Variants in GTPBP1 observed in about 807,000 individuals in gnomAD.
GTPBP1 encodes GTP binding protein 1, also known as GTP-binding protein 1.
GTPBP1 carries 23 observed loss-of-function variants against 62.0 expected under a neutral mutation model. The ratio of observed to expected loss-of-function variants is 0.37; its 90% confidence interval spans 0.27 to 0.53. The LOEUF (loss-of-function observed/expected upper bound fraction) is 0.53. GTPBP1 is among the 20% of genes least tolerant of loss of function. The pLI is 0.89. For missense variants in GTPBP1, 640 were observed against 917.3 expected (o/e 0.70, Z 3.90); for synonymous variants, 344 against 364.4 (o/e 0.94, Z 0.64).
downstream of GTPBP1, chr22:38,735,206 C>A (rs1295488555): frequency 8.8e-6 from 4 of 455,144 alleles, no homozygotes; most frequent in Non-Finnish European, 4.4e-6. Context: ...CCCCAGCCCC[C>A]ACCAACTGCC....
chr22:38,718,480 A>G (rs1229655068), intron 4 of GTPBP1, among the ~76,000 whole-genome samples: 1 of 152,232 alleles, frequency 6.6e-6, no homozygotes, highest in African/African-American at 2.4e-5. Context: ...TTTAAAATAT[A>G]TAGAAAACAG....
chr22:38,736,235 A>G, downstream of GTPBP1: 1 of 1,596,760 alleles, frequency 6.3e-7, no homozygotes, highest in Non-Finnish European at 8.6e-7. Flanking sequence ...ACCCACTCCC[A>G]GATGGCTGGC....
chr22:38,741,920 C>T (rs1236813808), downstream of GTPBP1, among the ~76,000 whole-genome samples: 2 of 151,854 alleles, frequency 1.3e-5, no homozygotes, highest in African/African-American at 4.8e-5. Context: ...GCAGGCAGAT[C>T]ACTAGAGGTC....
At position 38,721,789 on chromosome 22, in the gene GTPBP1, C is replaced by G. The variant is rs759637741; in HGVS notation, c.882C>G (p.Gly294=). 4 of 1,612,862 alleles carry G rather than the reference C, an allele frequency of 2.5e-6. No homozygotes were observed. In the African/African-American group the frequency reaches 4.0e-5, roughly 16 times the overall value. ...TGGGGATGACCAAAGAACACCTGGG[C>G]TTGGCACTGGCACTCAATGTACCTG... ...GIVGMTKEHL[G]LALALNVPVF... Residue 294 remains glycine, a synonymous_variant, in exon 5 of 12, where the codon GGC becomes GGG. Transcript: ENST00000216044.
chr22:38,742,709 C>CA, downstream of GTPBP1: 1 of 979,114 alleles, frequency 1.0e-6, no homozygotes. Context: ...AGCTCGTGGG[C>CA]AGGGGCTGCC....
intron 1 of GTPBP1, 68 bp downstream of exon 1, chr22:38,706,215 C>G: frequency 9.5e-7 from 1 of 1,047,300 alleles, no homozygotes; most frequent in Non-Finnish European, 1.2e-6. Flanking sequence ...TCCCGGGCGA[C>G]GGCGGGGCCA....
chr22:38,713,260 AAGTG>A (rs1470500525), intron 2 of GTPBP1, among the ~76,000 whole-genome samples: 1 of 152,106 alleles, frequency 6.6e-6, no homozygotes, highest in Non-Finnish European at 1.5e-5. Context: ...TACAAGAAGA[AAGTG>A]AGGAGGGAGT....
downstream of GTPBP1, chr22:38,739,649 G>C: frequency 1.3e-6 from 2 of 1,534,748 alleles, no homozygotes; most frequent in Non-Finnish European, 8.9e-7. The surrounding 1 kb of genome is among the most constrained non-coding windows in gnomAD (Gnocchi z 6.7). Context: ...GGAGCTGGCA[G>C]TGTGGGACTG....
In GTPBP1 at chr22:38,726,991, G is replaced by T. The variant is rs531549762; in HGVS notation, c.1402-222G>T. 6.6e-6 allele frequency among the ~76,000 whole-genome samples: 1 copy of T among 152,084 alleles called. No homozygotes were observed. The highest frequency in any genetic ancestry group is 1.5e-5 in the Non-Finnish European group (1 of 68,012). ...CCGAGCAGCTGAAGTGCTGATTCCC[G>T]CATGAAGCCTTCCTGACCCCCAGTA... On this transcript the variant is annotated intron_variant, in intron 8 of 11. Coordinates refer to ENST00000216044, the MANE Select transcript of GTPBP1 (RefSeq NM_004286.5). This position sits in a 1 kb window ranked among gnomAD's most constrained non-coding sequence, Gnocchi z 4.1.
rs1425746736 is a variant in GTPBP1 at position 38,706,016 on chromosome 22, C to A, written c.61C>A (p.Pro21Thr). 3 of 1,437,438 alleles carry A rather than the reference C, an allele frequency of 2.1e-6. No homozygotes were observed. The African/African-American group carries it at 4.5e-5, about 21-fold the overall frequency. 89.0% of individuals were successfully genotyped at this position (1,437,438 alleles called of 1,614,324 possible). A position where few individuals can be genotyped will look rare whatever the true frequency, so the allele number is the denominator to read the frequency against. ...DSPVPASMFA[P>T]EPSSPGAARA... is the part of the protein sequence containing the mutation. ...GCCGGTCCCGGCCTCTATGTTCGCC[C>A]CCGAGCCCAGCTCCCCGGGGGCGGC... Residue 21 changes from proline (P) to threonine (T), a missense_variant, in exon 1 of 12, where the codon CCC becomes ACC. Physicochemically the swap from Pro to Thr is conservative, Grantham distance 38 (BLOSUM62 -1). Transcript: ENST00000216044.
At position 38,726,807 on chromosome 22, in the gene GTPBP1, G is replaced by T. The variant is rs1465543315; in HGVS notation, c.1401+367G>T. ...CCCATTCAGCCTTCTATCTCCTGGG[G>T]TTTGGGGTGGGTTGTAGTTCAGGGG... On this transcript the variant is annotated intron_variant, in intron 8 of 11. Transcript: ENST00000216044. The surrounding 1 kb of genome is among the most constrained non-coding windows in gnomAD (Gnocchi z 4.1). Among the ~76,000 whole-genome samples, 1 of 152,138 alleles carries T rather than the reference G, an allele frequency of 6.6e-6. No individual in the cohort carries two copies. The highest frequency in any genetic ancestry group is 1.5e-5 in the Non-Finnish European group (1 of 68,014).
downstream of GTPBP1, chr22:38,738,886 C>T (rs1446967356): frequency 1.2e-5 from 20 of 1,605,398 alleles, no homozygotes; most frequent in East Asian, 2.2e-5. This position sits in a 1 kb window ranked among gnomAD's most constrained non-coding sequence, Gnocchi z 6.6. Context: ...GAGGATGACT[C>T]GGGGTGACTG....
Position 38,726,336 on chromosome 22 carries a change from C to A in GTPBP1, c.1297C>A (p.Pro433Thr). ...TGACACGCTGCTGCTGGGCCCAGACCCCTTGGGTAACTTCCTGTCCATTGC... is the reference window on the plus strand; with the variant it reads ...TGACACGCTGCTGCTGGGCCCAGACACCTTGGGTAACTTCCTGTCCATTGC... The part of the protein sequence containing the change: ...LNDTLLLGPD[P>T]LGNFLSIAVK... Residue 433 changes from proline to threonine, a missense_variant, in exon 8 of 12, where the codon CCC becomes ACC. Physicochemically the swap from Pro to Thr is conservative, Grantham distance 38. Transcript: ENST00000216044. This position sits in a 1 kb window ranked among gnomAD's most constrained non-coding sequence, Gnocchi z 4.1. The A allele has an allele frequency of 1.2e-6, 2 of 1,614,022 alleles. No homozygotes were observed. The highest frequency in any genetic ancestry group is 1.7e-6 in the Non-Finnish European group (2 of 1,179,980).
chr22:38,729,580 C>G lies in GTPBP1; in HGVS notation c.1835C>G (p.Ala612Gly), dbSNP rs753640213. The change falls in exon 11 of 12, where the codon GCA (alanine) becomes GGA (glycine). Residue 612 changes from alanine (A) to glycine (G), a missense_variant. Coordinates refer to ENST00000216044, the MANE Select transcript of GTPBP1 (RefSeq NM_004286.5). Reference sequence around the variant, plus strand: ...GAGGGGGGCCCGTCTGGTGGGCCAGCAGTAGGAGCACCCCCACCTGGAGAT... The same window carrying G: ...GAGGGGGGCCCGTCTGGTGGGCCAGGAGTAGGAGCACCCCCACCTGGAGAT... ...RDEGGPSGGP[A>G]VGAPPPGDEA... 3.8e-6 allele frequency: 6 copies of G among 1,586,580 alleles called. No individual in the cohort carries two copies. Among genetic ancestry groups the G allele is most frequent in the South Asian group, 2.3e-5 (2 of 87,174 alleles).
At chr22:38,742,179 G>C, downstream of GTPBP1, 3 of 1,245,374 alleles carry the variant, frequency 2.4e-6, no homozygotes, top group Non-Finnish European at 3.3e-6. Flanking sequence ...GAGAAAGGGA[G>C]TAACTGCAAA....
intron 1 of GTPBP1, chr22:38,706,488 C>T (rs1406197209): frequency 3.5e-5 from 7 of 198,044 alleles, no homozygotes; most frequent in East Asian, 3.4e-4. Context: ...CGCTCAGTGC[C>T]CCTCCCCGTT....
downstream of GTPBP1, chr22:38,738,848 G>A (rs569685075): frequency 1.8e-5 from 28 of 1,595,910 alleles, no homozygotes; most frequent in African/African-American, 1.6e-4. The surrounding 1 kb of genome is among the most constrained non-coding windows in gnomAD (Gnocchi z 6.6). Flanking sequence ...CAGAGCCCCC[G>A]CTGCTGTGCT....
intron 1 of GTPBP1, among the ~76,000 whole-genome samples, 200 bp from the exon 2 acceptor site, chr22:38,708,645 A>G (rs2092620266): frequency 6.6e-6 from 1 of 152,158 alleles, no homozygotes; most frequent in Admixed American, 6.5e-5. Flanking sequence ...ACATTGTAGT[A>G]TATTATTTGG....
Position 38,729,590 on chromosome 22 carries a change from AC to A in GTPBP1, c.1850del (p.Pro617HisfsTer9). 1.3e-6 allele frequency: 2 copies of A among 1,571,428 alleles called. No individual in the cohort carries two copies. Among genetic ancestry groups the A allele is most frequent in the South Asian group, 1.2e-5 (1 of 85,172 alleles). On this transcript the variant is annotated frameshift_variant, in exon 11 of 12. Transcript: ENST00000216044. LOFTEE classifies it high-confidence loss of function. ...GPSGGPAVGA[P>X]PPGDEASSVG... Reference sequence around the variant, plus strand: ...CGTCTGGTGGGCCAGCAGTAGGAGCACCCCCACCTGGAGATGAAGCCTCCTC... The same window carrying A: ...CGTCTGGTGGGCCAGCAGTAGGAGCACCCCACCTGGAGATGAAGCCTCCTC...
Sources: allele counts gnomAD v4.1 joint callset (sites outside exome capture counted in the v4.1 genomes callset), GRCh38; gene constraint gnomAD v4.1.1; non-coding constraint Gnocchi (gnomAD v3.1); transcripts MANE v1.5; gene names NCBI Gene and HGNC (gene_info 2026-07-23, HGNC 2026-07-21).